Variants in BTBD19 observed in about 807,000 individuals in gnomAD.
The protein encoded by BTBD19 is BTB domain containing 19.
A neutral mutation model predicts 36.1 loss-of-function variants in BTBD19; 20 were observed. That is an observed-to-expected ratio of 0.55 (90% CI 0.39 to 0.80). The LOEUF (loss-of-function observed/expected upper bound fraction) is 0.80. BTBD19 is among the 30% of genes least tolerant of loss of function. The pLI, the probability that BTBD19 is intolerant of heterozygous loss-of-function variation, is 0.00. For missense variants in BTBD19, 325 were observed against 389.8 expected (o/e 0.83, Z 1.40); for synonymous variants, 157 against 174.3 (o/e 0.90, Z 0.78).
exon 8 of BTBD19, chr1:44,814,102 A>G (rs544173081): frequency 1.1e-5 from 5 of 469,252 alleles, no homozygotes; most frequent in South Asian, 7.9e-5. Context: ...TGACTCCCAC[A>G]TATCTATCTG....
In BTBD19 at chr1:44,810,221, G is replaced by A; in HGVS notation, c.95G>A (p.Cys32Tyr). 1 of 1,551,740 alleles carries A rather than the reference G, an allele frequency of 6.4e-7. No individual in the cohort carries two copies. Among genetic ancestry groups the A allele is most frequent in the Non-Finnish European group, 8.7e-7 (1 of 1,146,840 alleles). The change falls in exon 2 of 8, where the codon TGC (cysteine) becomes TAC (tyrosine). Residue 32 changes from cysteine to tyrosine, a missense_variant. Physicochemically the swap from Cys to Tyr is radical, Grantham distance 194 (BLOSUM62 -2). Coordinates refer to ENST00000450269, the Ensembl canonical transcript of BTBD19. This position sits in a 1 kb window ranked among gnomAD's most constrained non-coding sequence, Gnocchi z 4.2. Reference sequence around the variant, plus strand: ...CTGCCTGTCTCCCACAGTGATGTTTGCTTCGTGGTTGGTCAAGAACGGCAG... The same window carrying A: ...CTGCCTGTCTCCCACAGTGATGTTTACTTCGTGGTTGGTCAAGAACGGCAG...
Position 44,813,945 on chromosome 1 carries a change from C to T in BTBD19, c.*173C>T, listed in dbSNP as rs1192912226. The T allele has an allele frequency of 9.0e-7, 1 of 1,113,008 alleles. No individual in the cohort carries two copies. Among genetic ancestry groups the T allele is most frequent in the Admixed American group, 2.5e-5 (1 of 40,588 alleles). 68.9% of individuals were successfully genotyped at this position (1,113,008 alleles called of 1,614,324 possible). A position where few individuals can be genotyped will look rare whatever the true frequency, so the allele number is the denominator to read the frequency against. On this transcript the variant is annotated 3_prime_UTR_variant, in exon 8 of 8. Transcript: ENST00000450269. This position sits in a 1 kb window ranked among gnomAD's most constrained non-coding sequence, Gnocchi z 7.8. ...GCGCAGCCCCTTGTGCGGGATCAAG[C>T]CCGTGTGGGCGAGGTGGGGTCGGGC...
At chr1:44,814,134 TTTTC>T (rs1652579306), downstream of BTBD19, 2 of 261,184 alleles carry the variant, frequency 7.7e-6, no homozygotes, top group Non-Finnish European at 7.1e-6. Flanking sequence ...TCCCTCTTTC[TTTTC>T]TTTTTCTTTC....
chr1:44,808,951 T>C, intron 1 of BTBD19, 45 bp downstream of exon 1: 1 of 1,464,390 alleles, frequency 6.8e-7, no homozygotes, highest in South Asian at 1.3e-5. Flanking sequence ...GCTGGCTCTG[T>C]GGGCCCCAGG....
chr1:44,815,259 C>T (rs1286670702), downstream of BTBD19: 1 of 152,164 alleles, frequency 6.6e-6, no homozygotes, highest in Non-Finnish European at 1.5e-5. Flanking sequence ...ATCCCATTGA[C>T]CTCCAGGACA....
Position 44,813,609 on chromosome 1 carries a change from AC to A in BTBD19, c.742-28del. On this transcript the variant is annotated intron_variant, in intron 7 of 7. Coordinates refer to ENST00000450269, the Ensembl canonical transcript of BTBD19. This position sits in a 1 kb window ranked among gnomAD's most constrained non-coding sequence, Gnocchi z 7.8. ...CCTCGGGGCGAGGGGCCACCGCGGG[AC>A]TGCGCACTAACTGGCCTTGCTCTGC... is the stretch of plus-strand genomic sequence containing the variant. The A allele has an allele frequency of 6.5e-7, 1 of 1,543,572 alleles. No homozygotes were observed. The highest frequency in any genetic ancestry group is 8.8e-7 in the Non-Finnish European group (1 of 1,141,136).
In BTBD19 at chr1:44,810,551, C is replaced by T. The variant is rs1652358982; in HGVS notation, c.301-3C>T. 4 of 1,550,498 alleles carry T rather than the reference C, an allele frequency of 2.6e-6. No homozygotes were observed. The highest frequency in any genetic ancestry group is 3.5e-6 in the Non-Finnish European group (4 of 1,146,762). ...TCCACTCCCCCAACCACCCACTCTA[C>T]AGGTGCTGGAAGTGCTGACAGCGGC... On this transcript the variant is annotated splice_polypyrimidine_tract_variant and splice_region_variant and intron_variant, in intron 2 of 7. Transcript: ENST00000450269. The surrounding 1 kb of genome is among the most constrained non-coding windows in gnomAD (Gnocchi z 4.2).
downstream of BTBD19, chr1:44,815,147 A>AC (rs1393242796): frequency 6.6e-6 from 1 of 152,248 alleles, no homozygotes; most frequent in Non-Finnish European, 1.5e-5. Flanking sequence ...GACACGTCTC[A>AC]CAGCCTTCCT....
chr1:44,815,469 TCTCC>T (rs1419491636), downstream of BTBD19: 1 of 152,190 alleles, frequency 6.6e-6, no homozygotes, highest in Non-Finnish European at 1.5e-5. Context: ...AGGATGTGAA[TCTCC>T]CTCAAGAAAG....
In BTBD19 at chr1:44,810,460, G is replaced by A. The variant is rs1652352059; in HGVS notation, c.300+34G>A. On this transcript the variant is annotated intron_variant, in intron 2 of 7. Transcript: ENST00000450269. This position sits in a 1 kb window ranked among gnomAD's most constrained non-coding sequence, Gnocchi z 4.2. ...GCTGACCAGGGGCCTGGGTGGGAGA[G>A]GTGGGGGGTGCCAGAGGCAGGAGTT... is the stretch of plus-strand genomic sequence containing the variant. 2 of 1,551,002 alleles carry A rather than the reference G, an allele frequency of 1.3e-6. No homozygotes were observed. The highest frequency in any genetic ancestry group is 1.7e-6 in the Non-Finnish European group (2 of 1,146,540).
intron 3 of BTBD19, chr1:44,811,811 C>T (rs1226590946): frequency 2.7e-5 from 9 of 328,648 alleles, no homozygotes; most frequent in Admixed American, 1.5e-4. Context: ...TGATTAGTGG[C>T]GAATGTACTA....
intron 3 of BTBD19, among the ~76,000 whole-genome samples, chr1:44,811,479 G>T (rs896700187): frequency 1.3e-5 from 2 of 152,190 alleles, no homozygotes; most frequent in African/African-American, 4.8e-5. Context: ...AGACGAGACT[G>T]CAGAGGACGC....
chr1:44,814,158 C>CTTTCTTTCTTTCTT (rs1573629664), downstream of BTBD19: 11 of 121,604 alleles, frequency 9.0e-5, 1 homozygote, highest in East Asian at 2.6e-3. Flanking sequence ...CTCTTTCTTT[C>CTTTCTTTCTTTCTT]TTTCTTTCTT....
Position 44,810,440 on chromosome 1 carries a change from C to A in BTBD19, c.300+14C>A. On this transcript the variant is annotated intron_variant, in intron 2 of 7. Transcript: ENST00000450269. This position sits in a 1 kb window ranked among gnomAD's most constrained non-coding sequence, Gnocchi z 4.2. ...TACCGCCACTCTGTGAGCCTGCTGA[C>A]CAGGGGCCTGGGTGGGAGAGGTGGG... 1 of 1,551,230 alleles carries A rather than the reference C, an allele frequency of 6.4e-7. No individual in the cohort carries two copies. The highest frequency in any genetic ancestry group is 8.7e-7 in the Non-Finnish European group (1 of 1,146,588).
chr1:44,809,744 G>A (rs1652311977), intron 1 of BTBD19, among the ~76,000 whole-genome samples: 1 of 152,152 alleles, frequency 6.6e-6, no homozygotes, highest in African/African-American at 2.4e-5. Context: ...TGCAGTCGTT[G>A]TGCACTCTGT....
chr1:44,814,188 TTCTTTC>T (rs1249564903), downstream of BTBD19: 27 of 123,464 alleles, frequency 2.2e-4, no homozygotes, highest in African/African-American at 9.1e-4. Flanking sequence ...CTTTCTTTCT[TTCTTTC>T]TTTCTTTCTT....
chr1:44,810,296 A>G lies in BTBD19; in HGVS notation c.170A>G (p.Gln57Arg). The G allele has an allele frequency of 6.4e-7, 1 of 1,551,878 alleles. No homozygotes were observed. The highest frequency in any genetic ancestry group is 8.7e-7 in the Non-Finnish European group (1 of 1,147,020). The change falls in exon 2 of 8, where the codon CAG (glutamine) becomes CGG (arginine). Residue 57 changes from glutamine to arginine, a missense_variant. Transcript: ENST00000450269. This position sits in a 1 kb window ranked among gnomAD's most constrained non-coding sequence, Gnocchi z 4.2. ...TTGGCCTGTAGATGCAACTTCTTCC[A>G]GCGACTTCTGGGCACAGAGCCAGGC...
rs373795892 is a variant in BTBD19, at chr1:44,813,844, T to C, written c.*72T>C. 101 of 1,536,322 alleles carry C rather than the reference T, an allele frequency of 6.6e-5. No homozygotes were observed. In the African/African-American group the frequency reaches 1.1e-3, roughly 17 times the overall value. On this transcript the variant is annotated 3_prime_UTR_variant, in exon 8 of 8. Transcript: ENST00000450269. The surrounding 1 kb of genome is among the most constrained non-coding windows in gnomAD (Gnocchi z 7.8). Reference sequence around the variant, plus strand: ...CTGCCCCAAACTACAGCTCCCGAAGTGCTCGGCGTTCGGAGCGGGCTTCCG... The same window carrying C: ...CTGCCCCAAACTACAGCTCCCGAAGCGCTCGGCGTTCGGAGCGGGCTTCCG...
chr1:44,810,639 T>A lies in BTBD19; in HGVS notation c.354+32T>A, dbSNP rs1459577566. 6.6e-7 allele frequency: 1 copy of A among 1,513,090 alleles called. No homozygotes were observed. The highest frequency in any genetic ancestry group is 1.3e-5 in the South Asian group (1 of 78,886). The allele number at this position is 1,513,090 out of a possible 1,614,324, so 93.7% of individuals were successfully genotyped here. A position where few individuals can be genotyped will look rare whatever the true frequency, so the allele number is the denominator to read the frequency against. On this transcript the variant is annotated intron_variant, in intron 3 of 7. Transcript: ENST00000450269. The surrounding 1 kb of genome is among the most constrained non-coding windows in gnomAD (Gnocchi z 4.2). Reference sequence around the variant, plus strand: ...TTTTGTGCCAGGTCCCTGTCTCATTTCCCTTGCTTCTCACGGGCTCACTTC... The same window carrying A: ...TTTTGTGCCAGGTCCCTGTCTCATTACCCTTGCTTCTCACGGGCTCACTTC...
Sources: allele counts gnomAD v4.1 joint callset (sites outside exome capture counted in the v4.1 genomes callset), GRCh38; gene constraint gnomAD v4.1.1; non-coding constraint Gnocchi (gnomAD v3.1); transcripts MANE v1.5; gene names NCBI Gene and HGNC (gene_info 2026-07-23, HGNC 2026-07-21).